NFATC2: variants seen among roughly 807,000 people sequenced by gnomAD.
NFATC2 encodes the protein nuclear factor of activated T-cells, cytoplasmic 2.
NFATC2 carries 22 observed loss-of-function variants against 87.3 expected under a neutral mutation model. The observed-to-expected ratio is 0.25, with a 90% confidence interval of 0.18 to 0.36. The LOEUF (loss-of-function observed/expected upper bound fraction) is 0.36. Ranked by LOEUF, NFATC2 falls within the 10% of genes least tolerant of loss-of-function variation. The probability of loss-of-function intolerance (pLI) is 1.00; values close to 1 mark genes in which losing one functional copy is unlikely to be tolerated. For synonymous variants in NFATC2, 565 were observed against 542.2 expected (o/e 1.04, Z -0.58); for missense variants, 1,149 against 1,259.1 (o/e 0.91, Z 1.32).
chr20:51,535,905 C>G (rs1433263667), intron 1 of NFATC2, among the ~76,000 whole-genome samples: 1 of 152,130 alleles, frequency 6.6e-6, no homozygotes, highest in Non-Finnish European at 1.5e-5. Context: ...ATTACAAGGT[C>G]GGGAGGGTCC....
intron 1 of NFATC2, among the ~76,000 whole-genome samples, chr20:51,541,934 C>A (rs2235856): frequency 0.65 from 98,742 of 151,656 alleles, 32,470 homozygotes; most frequent in African/African-American, 0.74. Context: ...TTCAGCTGCA[C>A]CCCCCTTCCT....
At chr20:51,439,975 G>A (rs904973661) in intron 6 of NFATC2, among the ~76,000 whole-genome samples, 6 of 152,196 alleles carry the variant, frequency 3.9e-5, no homozygotes, top group Non-Finnish European at 8.8e-5. Flanking sequence ...AGTGGCTCAC[G>A]CCTGTGATCC....
chr20:51,513,333 C>T (rs997957981), intron 3 of NFATC2, among the ~76,000 whole-genome samples: 1 of 152,094 alleles, frequency 6.6e-6, no homozygotes, highest in Non-Finnish European at 1.5e-5. Context: ...AAAAAATTAG[C>T]TGGGCATGGT....
In NFATC2 at chr20:51,387,148, G is replaced by A. The variant is rs1474540633; in HGVS notation, c.*4348C>T. 5 of 152,222 alleles carry A rather than the reference G, an allele frequency of 3.3e-5. No individual in the cohort carries two copies. Among genetic ancestry groups the A allele is most frequent in the Admixed American group, 6.5e-5 (1 of 15,284 alleles). 9.4% of individuals were successfully genotyped at this position (152,222 alleles called of 1,614,324 possible). On this transcript the variant is annotated 3_prime_UTR_variant, in exon 11 of 11. Transcript: ENST00000371564. ...AGCCTGCCAGCACCACCATGTTGGAGAGACCTGTTTGTTGGAGAATTGGTT... is the reference window on the plus strand; with the variant it reads ...AGCCTGCCAGCACCACCATGTTGGAAAGACCTGTTTGTTGGAGAATTGGTT...
intron 10 of NFATC2, among the ~76,000 whole-genome samples, chr20:51,394,863 T>C (rs530079233): frequency 6.6e-6 from 1 of 151,390 alleles, no homozygotes; most frequent in Non-Finnish European, 1.5e-5. Flanking sequence ...TGCAGTGTTC[T>C]GCCTCTTCCT....
chr20:51,432,257 A>G lies in NFATC2; in HGVS notation c.2532T>C (p.Pro844=). ...GACCTTGACTGACCGGGGGCGGGCC[A>G]GGTCTGGTGGTGCCTGGTGCGAAAT... ...CENFAPGTTR[P]GPPPVSQGQR... Residue 844 remains proline (P), a synonymous_variant, in exon 9 of 11, where the codon CCT becomes CCC. Transcript: ENST00000371564. The surrounding 1 kb of genome is among the most constrained non-coding windows in gnomAD (Gnocchi z 4.6). 6.2e-7 allele frequency: 1 copy of G among 1,614,122 alleles called. No individual in the cohort carries two copies. Among genetic ancestry groups the G allele is most frequent in the Non-Finnish European group, 8.5e-7 (1 of 1,180,024 alleles).
chr20:51,454,801 G>T, intron 5 of NFATC2, 113 bp from the exon 6 acceptor site: 2 of 1,182,784 alleles, frequency 1.7e-6, no homozygotes, highest in Non-Finnish European at 2.4e-6. Context: ...TGTGTCACCT[G>T]TTGTTATCTA....
At position 51,432,287 on chromosome 20, in the gene NFATC2, G is replaced by A. The variant is rs143217939; in HGVS notation, c.2502C>T (p.Cys834=). The part of the protein sequence containing the change: ...SHQEFQHIMY[C]ENFAPGTTRP... ...TGGTGGTGCCTGGTGCGAAATTCTC[G>A]CAGTACATGATGTGCTGGAACTCCT... Residue 834 remains cysteine (C), a synonymous_variant, in exon 9 of 11, where the codon TGC becomes TGT. Coordinates refer to ENST00000371564, the MANE Select transcript of NFATC2 (RefSeq NM_012340.5). The surrounding 1 kb of genome is among the most constrained non-coding windows in gnomAD (Gnocchi z 4.6). 2.0e-5 allele frequency: 32 copies of A among 1,614,082 alleles called. No individual in the cohort carries two copies. Among genetic ancestry groups the A allele is most frequent in the South Asian group, 3.3e-5 (3 of 91,086 alleles).
At chr20:51,394,991 C>T (rs943397484) in intron 10 of NFATC2, among the ~76,000 whole-genome samples, 2 of 152,234 alleles carry the variant, frequency 1.3e-5, no homozygotes, top group African/African-American at 2.4e-5. Flanking sequence ...TTAATGCCTG[C>T]ATTAGCCCAC....
intron 3 of NFATC2, among the ~76,000 whole-genome samples, chr20:51,514,326 A>C (rs12481623): frequency 0.29 from 44,242 of 152,104 alleles, 6,518 homozygotes; most frequent in Admixed American, 0.35. Flanking sequence ...TTAAGACTTA[A>C]AATTGTTTGG....
intron 1 of NFATC2, among the ~76,000 whole-genome samples, chr20:51,551,171 G>A (rs2146830740): frequency 6.6e-6 from 1 of 152,194 alleles, no homozygotes; most frequent in South Asian, 2.1e-4. Context: ...CTGGCACTAA[G>A]GTGAGGCAAG....
At position 51,387,060 on chromosome 20, in the gene NFATC2, A is replaced by AC. The variant is rs1985842432; in HGVS notation, c.*4435_*4436insG. ...TAAACTACATTAAACTGGAGATTAA[A>AC]AACATTTGCATAGGAATGTGATGTA... is the stretch of plus-strand genomic sequence containing the variant. On this transcript the variant is annotated 3_prime_UTR_variant, in exon 11 of 11. Coordinates refer to ENST00000371564, the MANE Select transcript of NFATC2 (RefSeq NM_012340.5). 1 of 152,268 alleles carries AC rather than the reference A, an allele frequency of 6.6e-6. No homozygotes were observed. Among genetic ancestry groups the AC allele is most frequent in the Non-Finnish European group, 1.5e-5 (1 of 68,042 alleles). The allele number at this position is 152,268 out of a possible 1,614,324, so 9.4% of individuals were successfully genotyped here. A position where few individuals can be genotyped will look rare whatever the true frequency, so the allele number is the denominator to read the frequency against.
At chr20:51,561,983 A>ACATTG (rs1327371555) in intron 1 of NFATC2, among the ~76,000 whole-genome samples, 1 of 152,180 alleles carries the variant, frequency 6.6e-6, no homozygotes, top group Non-Finnish European at 1.5e-5. Flanking sequence ...AACTGATGGT[A>ACATTG]CATTGCACTT....
At chr20:51,536,847 G>C (rs1170179194) in intron 1 of NFATC2, among the ~76,000 whole-genome samples, 6 of 152,092 alleles carry the variant, frequency 3.9e-5, no homozygotes, top group African/African-American at 1.4e-4. Context: ...TGTCACATGT[G>C]TTTAGTGAAC....
chr20:51,517,053 A>G (rs1568715728), intron 2 of NFATC2, 98 bp from the exon 3 acceptor site: 3 of 1,187,200 alleles, frequency 2.5e-6, no homozygotes, highest in East Asian at 2.6e-5. Context: ...TCATGGATAC[A>G]GTCATGTATT....
chr20:51,443,362 T>C (rs1984627755), intron 6 of NFATC2, among the ~76,000 whole-genome samples: 1 of 152,196 alleles, frequency 6.6e-6, no homozygotes, highest in African/African-American at 2.4e-5. Flanking sequence ...AGTTGCTCAA[T>C]TAATACTGGC....
intron 5 of NFATC2, among the ~76,000 whole-genome samples, chr20:51,471,982 G>A (rs927809558): frequency 6.6e-6 from 1 of 152,214 alleles, no homozygotes; most frequent in Non-Finnish European, 1.5e-5. Flanking sequence ...GCCAGGTGTG[G>A]TGGCTCACAC....
At chr20:51,518,134 C>A (rs1213245201) in intron 2 of NFATC2, among the ~76,000 whole-genome samples, 1 of 152,202 alleles carries the variant, frequency 6.6e-6, no homozygotes, top group East Asian at 1.9e-4. Context: ...ACAGTGTGAG[C>A]AACTTCTCAA....
intron 8 of NFATC2, among the ~76,000 whole-genome samples, chr20:51,434,978 G>A (rs1983342437): frequency 6.6e-6 from 1 of 152,198 alleles, no homozygotes; most frequent in South Asian, 2.1e-4. Context: ...ACTGACATCA[G>A]CTTACTTTGC....
Sources: allele counts gnomAD v4.1 joint callset (sites outside exome capture counted in the v4.1 genomes callset), GRCh38; gene constraint gnomAD v4.1.1; non-coding constraint Gnocchi (gnomAD v3.1); transcripts MANE v1.5; gene names NCBI Gene and HGNC (gene_info 2026-07-23, HGNC 2026-07-21).